RAD21L1: variants seen among roughly 807,000 people sequenced by gnomAD.
RAD21L1 encodes double-strand-break repair protein rad21-like protein 1.
In RAD21L1, 47 loss-of-function variants were observed where a neutral mutation model predicts 69.0. The ratio of observed to expected loss-of-function variants is 0.68; its 90% CI spans 0.54 to 0.87. The LOEUF (loss-of-function observed/expected upper bound fraction) is 0.87. Ranked by LOEUF, RAD21L1 falls within the 40% of genes least tolerant of loss-of-function variation. The pLI, the probability that RAD21L1 is intolerant of heterozygous loss-of-function variation, is 0.00. For synonymous variants in RAD21L1, 177 were observed against 205.8 expected (o/e 0.86, Z 1.20); for missense variants, 583 against 647.6 (o/e 0.90, Z 1.08).
At chr20:1,242,592 C>T in intron 8 of RAD21L1, 27 bp from the exon 9 acceptor site, 1 of 1,478,410 alleles carries the variant, frequency 6.8e-7, no homozygotes, top group Non-Finnish European at 9.3e-7. Context: ...TATAACCAAT[C>T]ACATTTGTGC....
In RAD21L1 at chr20:1,247,400, CA is replaced by C. The variant is rs535469427; in HGVS notation, c.1401+1100del. 7.9e-4 allele frequency among the ~76,000 whole-genome samples: 120 copies of C among 152,232 alleles called. 1 individual carries two copies. Among genetic ancestry groups the C allele is most frequent in the Admixed American group, 1.8e-3 (28 of 15,282 alleles). ...CTTTAACAAAGAGGTTTTTACATTT[CA>C]AAAACTGCATTTGTTTATTTAACAA... On this transcript the variant is annotated intron_variant, in intron 12 of 13. Coordinates refer to ENST00000683101, the MANE Select transcript of RAD21L1 (RefSeq NM_001384355.1).
chr20:1,251,410 G>A lies in RAD21L1; in HGVS notation c.1479+2707G>A, dbSNP rs141794034. Among the ~76,000 whole-genome samples the A allele has an allele frequency of 1.8e-3, 267 of 149,470 alleles. 6 individuals are homozygous for A. The East Asian group carries it at 0.037, about 21-fold the overall frequency. ...ACTTATTGTCTTTACCATGTAGTGT[G>A]TTCTTTTATACAGAAATTTCATGTT... On this transcript the variant is annotated intron_variant, in intron 13 of 13. Coordinates refer to ENST00000683101, the MANE Select transcript of RAD21L1 (RefSeq NM_001384355.1).
chr20:1,244,683 T>A (rs2087684861), intron 11 of RAD21L1, among the ~76,000 whole-genome samples: 1 of 152,212 alleles, frequency 6.6e-6, no homozygotes, highest in African/African-American at 2.4e-5. Flanking sequence ...TTGAAAAATA[T>A]TACTATTTGA....
chr20:1,235,772 C>T (rs1568518324), intron 5 of RAD21L1, among the ~76,000 whole-genome samples: 1 of 145,974 alleles, frequency 6.9e-6, no homozygotes, highest in Non-Finnish European at 1.5e-5. Context: ...TTTAGGATCA[C>T]TTTTTTTTTT....
intron 5 of RAD21L1, 124 bp downstream of exon 5, chr20:1,234,315 A>G (rs947344074): frequency 6.6e-6 from 4 of 606,738 alleles, no homozygotes; most frequent in South Asian, 6.2e-5. Context: ...GTAATTCCCA[A>G]TACATTTTTC....
intron 13 of RAD21L1, 33 bp from the exon 14 acceptor site, chr20:1,254,236 C>A (rs1253731379): frequency 1.5e-6 from 2 of 1,368,640 alleles, no homozygotes; most frequent in Admixed American, 2.6e-5. Flanking sequence ...TCTTGTTTCC[C>A]ATTTCTTTTT....
rs771525346 is a variant in RAD21L1, at chr20:1,239,411, G to A, written c.742+4G>A. On this transcript the variant is annotated splice_donor_region_variant and intron_variant, in intron 7 of 13. Transcript: ENST00000683101. Reference sequence around the variant, plus strand: ...GAGCCTCCCAATAGTTTAGCAGGTAGGTTGAAATTTTCCTTTATGAGAAAG... The same window carrying A: ...GAGCCTCCCAATAGTTTAGCAGGTAAGTTGAAATTTTCCTTTATGAGAAAG... 4.9e-5 allele frequency: 75 copies of A among 1,519,806 alleles called. No individual in the cohort carries two copies. In the South Asian group the frequency reaches 9.0e-4, roughly 18 times the overall value. The allele number at this position is 1,519,806 out of a possible 1,614,324, so 94.1% of individuals were successfully genotyped here.
chr20:1,228,840 G>A (rs758857398), intron 2 of RAD21L1, among the ~76,000 whole-genome samples: 12 of 152,084 alleles, frequency 7.9e-5, no homozygotes, highest in Admixed American at 2.6e-4. Flanking sequence ...TATTTTATGC[G>A]TATTCATATT....
chr20:1,234,528 G>A (rs1315231149), intron 5 of RAD21L1, among the ~76,000 whole-genome samples: 2 of 151,978 alleles, frequency 1.3e-5, no homozygotes, highest in Non-Finnish European at 2.9e-5. Flanking sequence ...CAGTTAAGAT[G>A]GTCAACATAC....
intron 7 of RAD21L1, 80 bp downstream of exon 7, chr20:1,239,487 T>G (rs1489427002): frequency 1.4e-6 from 1 of 716,874 alleles, no homozygotes; most frequent in African/African-American, 1.8e-5. Flanking sequence ...TAAGTAGCAA[T>G]ATAGTATAGT....
At chr20:1,228,313 A>T in intron 1 of RAD21L1, 109 bp from the exon 2 acceptor site, 1 of 532,006 alleles carries the variant, frequency 1.9e-6, no homozygotes, top group Non-Finnish European at 3.3e-6. Context: ...TGAATAATTG[A>T]ATTAGAACAT....
chr20:1,240,506 A>G lies in RAD21L1; in HGVS notation c.856+72A>G, dbSNP rs1012417696. On this transcript the variant is annotated intron_variant, in intron 8 of 13. Transcript: ENST00000683101. ...CTTATTTACTTTGAGATGTTTGAAT[A>G]ATCACTGAAATATTATAGGAGATAG... 5 of 1,481,970 alleles carry G rather than the reference A, an allele frequency of 3.4e-6. No homozygotes were observed. In the African/African-American group the frequency reaches 5.8e-5, roughly 17 times the overall value. The allele number at this position is 1,481,970 out of a possible 1,614,324, so 91.8% of individuals were successfully genotyped here.
rs527440592 is a variant in RAD21L1, at chr20:1,242,654, T to C, written c.892T>C (p.Leu298=). 19 of 1,551,426 alleles carry C rather than the reference T, an allele frequency of 1.2e-5. No individual in the cohort carries two copies. In the African/African-American group the frequency reaches 2.2e-4, roughly 18 times the overall value. The change falls in exon 9 of 14, where the codon TTG becomes CTG. Residue 298 remains leucine (L), a synonymous_variant. Transcript: ENST00000683101. ...GAAAAGGAAAGGCAAAAAGAGGAGA[T>C]TGCTCATAGATCCTATCAAGGAGCT... The part of the protein sequence containing the change: ...AEKRKGKKRR[L]LIDPIKELSS...
intron 3 of RAD21L1, 61 bp from the exon 4 acceptor site, chr20:1,231,465 G>T: frequency 1.3e-6 from 1 of 797,320 alleles, no homozygotes; most frequent in Non-Finnish European, 2.1e-6. Flanking sequence ...AGAGTTAGTT[G>T]GGAGTTCTTT....
chr20:1,242,446 TGGTCTTGAACTCCTGGGCCCAAGC>T (rs2087626034), intron 8 of RAD21L1, among the ~76,000 whole-genome samples, 149 bp from the exon 9 acceptor site: 1 of 152,172 alleles, frequency 6.6e-6, no homozygotes, highest in African/African-American at 2.4e-5. Context: ...TTGCCCAGGC[TGGTCTTGAACTCCTGGGCCCAAGC>T]AATCCGCCCA....
At chr20:1,240,529 T>C in intron 8 of RAD21L1, 95 bp downstream of exon 8, 8 of 1,439,496 alleles carry the variant, frequency 5.6e-6, no homozygotes, top group Non-Finnish European at 7.3e-6. Flanking sequence ...TTATAGGAGA[T>C]AGTCAATCTA....
intron 13 of RAD21L1, among the ~76,000 whole-genome samples, chr20:1,252,429 T>C (rs761738907): frequency 6.6e-5 from 10 of 152,208 alleles, no homozygotes; most frequent in South Asian, 2.1e-4. Context: ...GAATAATCTT[T>C]AAGTCTACTG....
intron 3 of RAD21L1, among the ~76,000 whole-genome samples, chr20:1,230,254 A>G (rs936642829): frequency 6.6e-6 from 1 of 152,194 alleles, no homozygotes; most frequent in African/African-American, 2.4e-5. Flanking sequence ...ATATACTTAA[A>G]GCCACTACAC....
At chr20:1,245,981 G>A (rs2087708961) in intron 11 of RAD21L1, among the ~76,000 whole-genome samples, 1 of 152,032 alleles carries the variant, frequency 6.6e-6, no homozygotes, top group Admixed American at 6.6e-5. Context: ...GAAGCAAGGA[G>A]GGAAGGGGCA....
Sources: allele counts gnomAD v4.1 joint callset (sites outside exome capture counted in the v4.1 genomes callset), GRCh38; gene constraint gnomAD v4.1.1; transcripts MANE v1.5; gene names NCBI Gene and HGNC (gene_info 2026-07-23, HGNC 2026-07-21).